The following HOMER1 variants were observed in gnomAD, a reference collection of about 807,000 sequenced individuals.
The protein encoded by HOMER1 is homer scaffold protein 1.
A neutral mutation model predicts 48.9 loss-of-function variants in HOMER1; 3 were observed. That is an observed-to-expected ratio of 0.06 (90% CI 0.03 to 0.16). The LOEUF (loss-of-function observed/expected upper bound fraction) is 0.16, where lower values mean the gene tolerates loss of function less well. HOMER1 is among the 10% of genes least tolerant of loss of function. The pLI, the probability that HOMER1 is intolerant of heterozygous loss-of-function variation, is 1.00. For synonymous variants in HOMER1, 134 were observed against 146.4 expected (o/e 0.92, Z 0.61); for missense variants, 247 against 411.4 (o/e 0.60, Z 3.46).
At chr5:79,483,097 G>A (rs931602425) in intron 1 of HOMER1, among the ~76,000 whole-genome samples, 4 of 147,434 alleles carry the variant, frequency 2.7e-5, no homozygotes, top group African/African-American at 5.2e-5. Context: ...AACCACAAGC[G>A]CAAAAAAAAA....
chr5:79,469,760 T>C (rs933650760), intron 1 of HOMER1, among the ~76,000 whole-genome samples: 6 of 152,072 alleles, frequency 3.9e-5, no homozygotes, highest in Non-Finnish European at 8.8e-5. Flanking sequence ...AGCCTCCCGC[T>C]GGGACATTGG....
At chr5:79,411,088 C>T (rs142481888) in intron 5 of HOMER1, among the ~76,000 whole-genome samples, 79 of 152,304 alleles carry the variant, frequency 5.2e-4, no homozygotes, top group African/African-American at 1.8e-3. Context: ...AATGGACCAG[C>T]TGGTTTCCTG....
intron 1 of HOMER1, among the ~76,000 whole-genome samples, chr5:79,497,295 A>G (rs1752453300): frequency 6.6e-6 from 1 of 152,250 alleles, no homozygotes; most frequent in Admixed American, 6.5e-5. Flanking sequence ...AAGTACTGTT[A>G]AAAGTAATCA....
At chr5:79,498,835 CTTT>C (rs368140541) in intron 1 of HOMER1, among the ~76,000 whole-genome samples, 18 of 133,914 alleles carry the variant, frequency 1.3e-4, no homozygotes, top group Admixed American at 1.0e-3. Flanking sequence ...CAGGTCTCCA[CTTT>C]TTTTTTTTTT....
intron 5 of HOMER1, among the ~76,000 whole-genome samples, chr5:79,429,903 G>T (rs946036650): frequency 2.0e-5 from 3 of 151,580 alleles, no homozygotes; most frequent in African/African-American, 7.3e-5. Flanking sequence ...GGCGCCTGTA[G>T]TCCCAGCTAC....
intron 1 of HOMER1, among the ~76,000 whole-genome samples, chr5:79,457,369 C>G (rs1330127083): frequency 1.3e-5 from 2 of 152,204 alleles, no homozygotes; most frequent in Non-Finnish European, 2.9e-5. Flanking sequence ...CCATCTGAAA[C>G]TGAACAAAGT....
rs773528598 is a variant in HOMER1, at chr5:79,496,538, T to C, written c.5+16232A>G. 1.2e-4 allele frequency among the ~76,000 whole-genome samples: 19 copies of C among 152,194 alleles called. No individual in the cohort carries two copies. In the East Asian group the frequency reaches 1.4e-3, roughly 11 times the overall value. On this transcript the variant is annotated intron_variant, in intron 1 of 8. Coordinates refer to ENST00000334082, the MANE Select transcript of HOMER1 (RefSeq NM_004272.5). ...TAGAAAAACTTACCATCTTAGACAA[T>C]AGACCTCCCCAAACTTGGGGACCAG...
rs1256470265 is a variant in HOMER1 at position 79,379,477 on chromosome 5, A to T, written c.877-3280T>A. 2.6e-4 allele frequency among the ~76,000 whole-genome samples: 22 copies of T among 83,392 alleles called. No individual in the cohort carries two copies. The East Asian group carries it at 4.7e-3, about 18-fold the overall frequency. The allele number at this position is 83,392 out of a possible 152,430, so 54.7% of individuals were successfully genotyped here. ...ATATATAATATATATTTTATATATA[A>T]ATATATAAATATATAAATATTTATA... On this transcript the variant is annotated intron_variant, in intron 8 of 8. Coordinates refer to ENST00000334082, the MANE Select transcript of HOMER1 (RefSeq NM_004272.5).
At chr5:79,425,597 A>C (rs1750226215) in intron 5 of HOMER1, among the ~76,000 whole-genome samples, 1 of 152,078 alleles carries the variant, frequency 6.6e-6, no homozygotes, top group Non-Finnish European at 1.5e-5. Flanking sequence ...CTTCCTCGCT[A>C]TGGAACCTAA....
intron 1 of HOMER1, among the ~76,000 whole-genome samples, chr5:79,459,111 G>A (rs1751249003): frequency 6.6e-6 from 1 of 151,868 alleles, no homozygotes. Flanking sequence ...TGATTTTTTT[G>A]TTGTTTTCAT....
intron 1 of HOMER1, among the ~76,000 whole-genome samples, chr5:79,473,227 A>G (rs1318705402): frequency 6.6e-6 from 1 of 152,208 alleles, no homozygotes; most frequent in Non-Finnish European, 1.5e-5. Flanking sequence ...AGTTTGCCCA[A>G]CTCACAGCCT....
At chr5:79,498,449 G>C (rs1752485463) in intron 1 of HOMER1, among the ~76,000 whole-genome samples, 1 of 152,188 alleles carries the variant, frequency 6.6e-6, no homozygotes. Context: ...CTACATTAGA[G>C]TATCACAGTT....
In HOMER1 at chr5:79,375,786, T is replaced by C. The variant is rs1748753888; in HGVS notation, c.*223A>G. 4 of 380,716 alleles carry C rather than the reference T, an allele frequency of 1.1e-5. No individual in the cohort carries two copies. The East Asian group carries it at 1.2e-4, about 11-fold the overall frequency. The allele number at this position is 380,716 out of a possible 1,614,324, so 23.6% of individuals were successfully genotyped here. ...GGCCAATAATATACATGGAGGTAAT[T>C]TGTAGTTCAAGTTTTTCATCTTTTT... On this transcript the variant is annotated 3_prime_UTR_variant, in exon 9 of 9. Coordinates refer to ENST00000334082, the MANE Select transcript of HOMER1 (RefSeq NM_004272.5).
intron 1 of HOMER1, among the ~76,000 whole-genome samples, chr5:79,475,406 C>T (rs913395239): frequency 3.4e-5 from 5 of 149,000 alleles, no homozygotes; most frequent in Non-Finnish European, 7.4e-5. Flanking sequence ...TCAATAAATG[C>T]TGAAAAAATT....
intron 1 of HOMER1, among the ~76,000 whole-genome samples, chr5:79,462,061 C>T (rs1204662480): frequency 2.0e-5 from 3 of 151,872 alleles, no homozygotes; most frequent in African/African-American, 4.8e-5. Context: ...GAGCCAGGCA[C>T]GGTGTCGCAT....
chr5:79,471,934 C>T (rs1751633062), intron 1 of HOMER1, among the ~76,000 whole-genome samples: 1 of 152,206 alleles, frequency 6.6e-6, no homozygotes, highest in Admixed American at 6.5e-5. Flanking sequence ...GTTACCTTCT[C>T]AAGTAGAGCC....
At chr5:79,401,227 A>G (rs1156683656) in intron 6 of HOMER1, among the ~76,000 whole-genome samples, 1 of 152,202 alleles carries the variant, frequency 6.6e-6, no homozygotes, top group Non-Finnish European at 1.5e-5. Flanking sequence ...ACGGCACTTA[A>G]GTGTCTCAAC....
At chr5:79,487,116 T>C (rs764981364) in intron 1 of HOMER1, among the ~76,000 whole-genome samples, 1 of 152,002 alleles carries the variant, frequency 6.6e-6, no homozygotes, top group Non-Finnish European at 1.5e-5. Context: ...CCGTCTCTAC[T>C]AAAAATACAA....
chr5:79,433,428 C>T (rs1291377676), intron 5 of HOMER1, among the ~76,000 whole-genome samples: 1 of 151,898 alleles, frequency 6.6e-6, no homozygotes, highest in African/African-American at 2.4e-5. Flanking sequence ...ATTAGCCAGT[C>T]GTGGTGATGT....
Sources: allele counts gnomAD v4.1 joint callset (sites outside exome capture counted in the v4.1 genomes callset), GRCh38; gene constraint gnomAD v4.1.1; transcripts MANE v1.5; gene names NCBI Gene and HGNC (gene_info 2026-07-23, HGNC 2026-07-21).